The following SPATA22 variants were observed in gnomAD, a reference collection of about 807,000 sequenced individuals.
The protein encoded by SPATA22 is spermatogenesis associated 22, also known as spermatogenesis-associated protein 22.
Under a neutral mutation model 47.8 loss-of-function variants are expected in SPATA22, and 29 were observed. The observed-to-expected ratio is 0.61, with a 90% CI of 0.45 to 0.83. The LOEUF (loss-of-function observed/expected upper bound fraction) is 0.83. Ranked by LOEUF, SPATA22 falls within the 40% of genes least tolerant of loss-of-function variation. SPATA22 has a pLI of 0.00. For missense variants in SPATA22, 410 were observed against 421.7 expected (o/e 0.97, Z 0.24); for synonymous variants, 133 against 140.9 (o/e 0.94, Z 0.40).
intron 3 of SPATA22, among the ~76,000 whole-genome samples, chr17:3,466,356 CA>C (rs537680109): frequency 1.3e-3 from 197 of 152,020 alleles, no homozygotes; most frequent in Non-Finnish European, 2.2e-3. Flanking sequence ...AGTAAAAAGT[CA>C]ACAACAACCA....
chr17:3,477,891 T>C (rs1176483116), intron 1 of SPATA22, among the ~76,000 whole-genome samples: 1 of 151,868 alleles, frequency 6.6e-6, no homozygotes, highest in African/African-American at 2.4e-5. Context: ...AGCTAAGATA[T>C]AAGATACATG....
chr17:3,441,534 A>G (rs1232839706), intron 8 of SPATA22: 1 of 152,060 alleles, frequency 6.6e-6, no homozygotes, highest in Non-Finnish European at 1.5e-5. Flanking sequence ...CAGAGCAACC[A>G]TAACTCTCCT....
intron 5 of SPATA22, among the ~76,000 whole-genome samples, chr17:3,460,654 T>C (rs2073104526): frequency 6.6e-6 from 1 of 151,602 alleles, no homozygotes; most frequent in Non-Finnish European, 1.5e-5. Context: ...CCAGGCATGG[T>C]GGTGCAAACC....
At chr17:3,476,578 G>A (rs757391645), upstream of SPATA22, among the ~76,000 whole-genome samples, 1 of 152,130 alleles carries the variant, frequency 6.6e-6, no homozygotes, top group Non-Finnish European at 1.5e-5. Flanking sequence ...TATCTAAACT[G>A]GGCATTCACA....
At chr17:3,458,409 G>A (rs958959118) in intron 5 of SPATA22, among the ~76,000 whole-genome samples, 1 of 152,024 alleles carries the variant, frequency 6.6e-6, no homozygotes, top group Admixed American at 6.6e-5. Context: ...ATGAAAAACA[G>A]TATGGAAGTT....
rs548128517 is a variant in SPATA22, at chr17:3,478,080, G to T, written c.-73-8682C>A. Among the ~76,000 whole-genome samples the T allele has an allele frequency of 2.0e-5, 3 of 152,224 alleles. No individual in the cohort carries two copies. In the South Asian group the frequency reaches 6.2e-4, roughly 32 times the overall value. On this transcript the variant is annotated intron_variant, in intron 1 of 8. Coordinates refer to the SPATA22 transcript ENST00000541913. ...GGCACCTGTAGTCCCAGCTATTCGGGAGACTGAGGCAGGAGAATGGCGTGA... is the reference window on the plus strand; with the variant it reads ...GGCACCTGTAGTCCCAGCTATTCGGTAGACTGAGGCAGGAGAATGGCGTGA...
Position 3,489,247 on chromosome 17 carries a change from G to T in SPATA22, c.-73-19849C>A, listed in dbSNP as rs1014551540. The T allele has an allele frequency of 2.5e-6, 4 of 1,610,862 alleles. No individual in the cohort carries two copies. The African/African-American group carries it at 5.3e-5, about 22-fold the overall frequency. ...CTTCTGTACCTAGGTATAGAAGTTG[G>T]TCCTCAGCCTCAAGGGGTTCTGAGA... On this transcript the variant is annotated intron_variant, in intron 1 of 8. Transcript: ENST00000541913.
At chr17:3,491,605 G>A (rs536477374) in intron 1 of SPATA22, among the ~76,000 whole-genome samples, 3 of 152,050 alleles carry the variant, frequency 2.0e-5, no homozygotes, top group Non-Finnish European at 4.4e-5. Flanking sequence ...AAAATTAGCT[G>A]GGTGTGGTGG....
intron 1 of SPATA22, chr17:3,512,850 G>C (rs1000647396): frequency 2.6e-5 from 4 of 152,160 alleles, no homozygotes; most frequent in African/African-American, 9.7e-5. Flanking sequence ...AGCAGTTGAG[G>C]CATTTTGTTA....
At chr17:3,495,090 A>AG (rs2073887396) in intron 1 of SPATA22, among the ~76,000 whole-genome samples, 1 of 152,098 alleles carries the variant, frequency 6.6e-6, no homozygotes, top group Non-Finnish European at 1.5e-5. Flanking sequence ...ATAGTGAAGA[A>AG]GGAAAAAAAA....
At chr17:3,479,567 C>T (rs941340666) in intron 1 of SPATA22, among the ~76,000 whole-genome samples, 1 of 152,112 alleles carries the variant, frequency 6.6e-6, no homozygotes, top group Non-Finnish European at 1.5e-5. Flanking sequence ...CTTCCCACAG[C>T]ACTGTCTCAA....
At chr17:3,469,137 G>A in intron 2 of SPATA22, 146 bp downstream of exon 2, 1 of 459,828 alleles carries the variant, frequency 2.2e-6, no homozygotes, top group East Asian at 3.3e-5. Flanking sequence ...TCTTGAGTAA[G>A]TTATTTTACT....
At chr17:3,456,934 C>A (rs1166786285) in intron 5 of SPATA22, among the ~76,000 whole-genome samples, 3 of 150,614 alleles carry the variant, frequency 2.0e-5, no homozygotes, top group Admixed American at 2.0e-4. Flanking sequence ...ATAAACAGAG[C>A]CAAAGACAAA....
chr17:3,466,708 C>A (rs2073322624), intron 3 of SPATA22, among the ~76,000 whole-genome samples: 1 of 152,188 alleles, frequency 6.6e-6, no homozygotes. Context: ...AAATGTATTT[C>A]TCAGTTTTGG....
intron 1 of SPATA22, among the ~76,000 whole-genome samples, chr17:3,487,578 C>T (rs1055462040): frequency 6.6e-6 from 1 of 152,194 alleles, no homozygotes; most frequent in African/African-American, 2.4e-5. Flanking sequence ...ATCTGTATCT[C>T]TTATTGCTAA....
At position 3,471,392 on chromosome 17, in the gene SPATA22, G is replaced by A. The variant is rs373027923; in HGVS notation, c.-74+290C>T. On this transcript the variant is annotated intron_variant, in intron 1 of 8. Coordinates refer to ENST00000572969, the MANE Select transcript of SPATA22 (RefSeq NM_001170698.2). ...AATTTTTAAGTGTAACATTCCACCC[G>A]CGGGACCATTGATCCTGAGGGCGGG... 14 of 979,336 alleles carry A rather than the reference G, an allele frequency of 1.4e-5. No homozygotes were observed. The African/African-American group carries it at 2.5e-4, about 17-fold the overall frequency. 60.7% of individuals were successfully genotyped at this position (979,336 alleles called of 1,614,324 possible). A position where few individuals can be genotyped will look rare whatever the true frequency, so the allele number is the denominator to read the frequency against.
chr17:3,481,962 C>G (rs1312016104), intron 1 of SPATA22, among the ~76,000 whole-genome samples: 1 of 151,842 alleles, frequency 6.6e-6, no homozygotes, highest in Non-Finnish European at 1.5e-5. Flanking sequence ...GCTACCAGAA[C>G]ACAGAGGCAG....
intron 5 of SPATA22, among the ~76,000 whole-genome samples, chr17:3,454,147 C>G (rs1245827922): frequency 1.3e-5 from 2 of 149,066 alleles, no homozygotes; most frequent in African/African-American, 4.9e-5. Flanking sequence ...GAATAAAATA[C>G]TTAGGAATAA....
intron 1 of SPATA22, among the ~76,000 whole-genome samples, chr17:3,509,310 T>C (rs113322751): frequency 4.0e-5 from 6 of 151,704 alleles, no homozygotes; most frequent in Admixed American, 3.3e-4. Flanking sequence ...CTAAGTTCCC[T>C]CCCCTCACCC....
Sources: gnomAD v4.1 joint callset for allele counts (sites outside exome capture counted in the v4.1 genomes callset) on GRCh38, gnomAD v4.1.1 for gene constraint, MANE v1.5 for transcripts, NCBI Gene and HGNC (gene_info 2026-07-23, HGNC 2026-07-21) for gene names.